GAS7: variants seen among roughly 807,000 people sequenced by gnomAD.
GAS7 encodes the protein growth arrest specific 7.
A neutral mutation model predicts 71.1 loss-of-function variants in GAS7; 28 were observed. The observed-to-expected ratio is 0.39, with a 90% CI of 0.29 to 0.54. GAS7 has a LOEUF of 0.54. GAS7 is among the 20% of genes least tolerant of loss of function. The pLI is 0.62. For missense variants in GAS7, 436 were observed against 627.8 expected, an observed-to-expected ratio of 0.69 and a Z score of 3.27; for synonymous variants, 258 against 245.8, an observed-to-expected ratio of 1.05 and a Z score of -0.46.
At chr17:10,003,622 C>T (rs967257479) in intron 2 of GAS7, among the ~76,000 whole-genome samples, 2 of 152,304 alleles carry the variant, frequency 1.3e-5, no homozygotes, top group South Asian at 2.1e-4. Flanking sequence ...TCTTTGGGCA[C>T]GCAGATAGGC....
At chr17:10,031,249 G>T (rs960997530) in intron 1 of GAS7, among the ~76,000 whole-genome samples, 1 of 152,222 alleles carries the variant, frequency 6.6e-6, no homozygotes, top group Admixed American at 6.5e-5. Context: ...ACTGGGCAGG[G>T]AGAGGACACA....
At chr17:10,125,592 ATGGGGATTGT>A (rs2073939239) in intron 1 of GAS7, among the ~76,000 whole-genome samples, 1 of 150,560 alleles carries the variant, frequency 6.6e-6, no homozygotes, top group Non-Finnish European at 1.5e-5. Context: ...AAAGGATAAA[ATGGGGATTGT>A]TCTTTCTTTC....
chr17:9,982,608 C>G (rs1474769211), intron 2 of GAS7, among the ~76,000 whole-genome samples: 2 of 151,990 alleles, frequency 1.3e-5, no homozygotes, highest in East Asian at 1.9e-4. Flanking sequence ...GAAACCCTGT[C>G]TCTACTAAAA....
At chr17:10,080,048 A>C (rs532292773) in intron 1 of GAS7, among the ~76,000 whole-genome samples, 1 of 152,272 alleles carries the variant, frequency 6.6e-6, no homozygotes, top group Non-Finnish European at 1.5e-5. Context: ...CTCCTAGTAG[A>C]TTTGGCATTC....
intron 1 of GAS7, among the ~76,000 whole-genome samples, chr17:10,045,735 C>G (rs753393481): frequency 5.3e-4 from 80 of 152,246 alleles, no homozygotes; most frequent in Non-Finnish European, 1.6e-4. Context: ...ATATCAGAAA[C>G]GGCACCCAGT....
At chr17:10,127,990 G>A (rs760180536) in intron 1 of GAS7, among the ~76,000 whole-genome samples, 4 of 152,136 alleles carry the variant, frequency 2.6e-5, no homozygotes, top group Admixed American at 1.3e-4. Flanking sequence ...GCTCTCAGGC[G>A]TTCAGCTTGG....
intron 1 of GAS7, among the ~76,000 whole-genome samples, chr17:10,025,073 A>ACC (rs1249810653): frequency 3.3e-5 from 5 of 152,166 alleles, no homozygotes; most frequent in Non-Finnish European, 1.5e-5. Flanking sequence ...TAACTTGCCC[A>ACC]GTGTGGCACG....
At chr17:10,197,794 C>T (rs549411139) in intron 1 of GAS7, among the ~76,000 whole-genome samples, 1 of 152,320 alleles carries the variant, frequency 6.6e-6, no homozygotes, top group South Asian at 2.1e-4. Context: ...GGGGTGGAGA[C>T]GCGGGGCTGC....
intron 1 of GAS7, among the ~76,000 whole-genome samples, chr17:10,122,988 C>A (rs927011046): frequency 6.6e-6 from 1 of 152,136 alleles, no homozygotes; most frequent in Non-Finnish European, 1.5e-5. Flanking sequence ...CACACCACCA[C>A]GCCTGGCTGA....
chr17:10,141,986 T>C (rs76102291), intron 1 of GAS7, among the ~76,000 whole-genome samples: 1 of 151,050 alleles, frequency 6.6e-6, no homozygotes, highest in Admixed American at 6.6e-5. Flanking sequence ...CCCAGCACTT[T>C]GGGGGGCCGA....
intron 8 of GAS7, among the ~76,000 whole-genome samples, chr17:9,938,947 A>C (rs8064739): frequency 0.46 from 69,630 of 152,060 alleles, 16,930 homozygotes; most frequent in African/African-American, 0.62. Context: ...AGCATGTATT[A>C]GTGTTCCATT....
chr17:9,955,314 A>G (rs2069186729), intron 5 of GAS7, among the ~76,000 whole-genome samples: 1 of 152,140 alleles, frequency 6.6e-6, no homozygotes, highest in African/African-American at 2.4e-5. Context: ...GTCCAGCTAC[A>G]CCTCTGGAAA....
intron 9 of GAS7, among the ~76,000 whole-genome samples, chr17:9,931,581 G>A (rs1347071100): frequency 6.6e-6 from 1 of 152,216 alleles, no homozygotes; most frequent in Non-Finnish European, 1.5e-5. Context: ...GCCTTGAGGG[G>A]AAAGCTACTC....
intron 5 of GAS7, among the ~76,000 whole-genome samples, chr17:9,949,336 T>C (rs2152101760): frequency 6.6e-6 from 1 of 152,296 alleles, no homozygotes; most frequent in African/African-American, 2.4e-5. Flanking sequence ...GGGACTTTTA[T>C]GCAAAGTGTC....
At chr17:10,175,707 C>T (rs1268077966) in intron 1 of GAS7, among the ~76,000 whole-genome samples, 1 of 152,124 alleles carries the variant, frequency 6.6e-6, no homozygotes, top group Non-Finnish European at 1.5e-5. Flanking sequence ...ACCATGTTGC[C>T]CAGGCTTGTC....
chr17:10,059,961 CCT>C (rs1273943829), intron 1 of GAS7: 1 of 250,888 alleles, frequency 4.0e-6, no homozygotes, highest in Admixed American at 6.5e-5. Flanking sequence ...GCCCTTTCCC[CCT>C]GAGGGTGGGT....
At position 10,155,663 on chromosome 17, in the gene GAS7, T is replaced by C. The variant is rs937500652; in HGVS notation, c.183+42545A>G. On this transcript the variant is annotated intron_variant, in intron 1 of 13. Transcript: ENST00000432992. ...GGTACCATTCTTCTGGTCCTCCCAC[T>C]CCCATCCCAAAACTGGTCCACTCAG... Among the ~76,000 whole-genome samples, 6 of 152,078 alleles carry C rather than the reference T, an allele frequency of 3.9e-5. No individual in the cohort carries two copies. In the East Asian group the frequency reaches 1.2e-3, roughly 29 times the overall value.
rs1174395467 is a variant in GAS7, at chr17:9,934,097, C to G, written c.885+69G>C. ...AATGGCAAACGGCAAACTGGAGAGA[C>G]AGTTGTTAACTATTTTTTAGTACCC... On this transcript the variant is annotated intron_variant, in intron 9 of 13. Coordinates refer to ENST00000432992, the MANE Select transcript of GAS7 (RefSeq NM_201433.2). 7.9e-6 allele frequency: 8 copies of G among 1,010,832 alleles called. No homozygotes were observed. The African/African-American group carries it at 1.1e-4, about 14-fold the overall frequency. The allele number at this position is 1,010,832 out of a possible 1,614,324, so 62.6% of individuals were successfully genotyped here. A position where few individuals can be genotyped will look rare whatever the true frequency, so the allele number is the denominator to read the frequency against.
intron 1 of GAS7, among the ~76,000 whole-genome samples, chr17:10,070,273 T>G (rs2152246345): frequency 6.6e-6 from 1 of 151,286 alleles, no homozygotes; most frequent in South Asian, 2.1e-4. Context: ...GTCCTGGGAA[T>G]CATCCAGCCA....
Sources: gnomAD v4.1 joint callset for allele counts (sites outside exome capture counted in the v4.1 genomes callset) on GRCh38, gnomAD v4.1.1 for gene constraint, MANE v1.5 for transcripts, NCBI Gene and HGNC (gene_info 2026-07-23, HGNC 2026-07-21) for gene names.